IPO11: variants seen among roughly 807,000 people sequenced by gnomAD.
IPO11 encodes the protein importin-11.
In IPO11, 66 loss-of-function variants were observed where a neutral mutation model predicts 143.2. That is an observed-to-expected ratio of 0.46 (90% CI 0.38 to 0.57). IPO11 has a LOEUF of 0.57. IPO11 is among the 20% of genes least tolerant of loss of function. IPO11 has a pLI of 0.00. For synonymous variants in IPO11, 385 were observed against 377.8 expected (o/e 1.02, Z -0.22); for missense variants, 1,026 against 1,141.0 (o/e 0.90, Z 1.45).
At chr5:62,544,799 C>T (rs911100984) in intron 24 of IPO11, among the ~76,000 whole-genome samples, 4 of 152,122 alleles carry the variant, frequency 2.6e-5, no homozygotes, top group African/African-American at 9.7e-5. Context: ...CATTTTTATA[C>T]ACCAATAACA....
In IPO11 at chr5:62,432,221, C is replaced by G. The variant is rs550045590; in HGVS notation, c.-6-5053C>G. On this transcript the variant is annotated intron_variant, in intron 1 of 29. Coordinates refer to ENST00000325324, the MANE Select transcript of IPO11 (RefSeq NM_016338.5). ...TATTTATCCTGGTGTGGTACCTCTG[C>G]TCTTTGAGCAAGCTGTTGTGGACGT... Among the ~76,000 whole-genome samples, 3 of 152,182 alleles carry G rather than the reference C, an allele frequency of 2.0e-5. No homozygotes were observed. The South Asian group carries it at 6.2e-4, about 31-fold the overall frequency.
chr5:62,572,303 A>G (rs32152), intron 27 of IPO11, among the ~76,000 whole-genome samples: 16,802 of 152,168 alleles, frequency 0.11, 1,114 homozygotes, highest in African/African-American at 0.18. Context: ...CATAAAAGGG[A>G]CAACATATCA....
intron 22 of IPO11, among the ~76,000 whole-genome samples, chr5:62,533,197 A>G (rs142442533): frequency 7.1e-4 from 103 of 144,602 alleles, no homozygotes; most frequent in African/African-American, 2.6e-3. Flanking sequence ...TTGCATGTAT[A>G]TTCTTTCTTT....
chr5:62,424,147 T>G (rs1272057949), intron 1 of IPO11, among the ~76,000 whole-genome samples: 6 of 151,180 alleles, frequency 4.0e-5, no homozygotes, highest in African/African-American at 4.9e-5. Flanking sequence ...GCTTTTTTTT[T>G]TTTGTTTTTT....
chr5:62,550,342 A>T, intron 24 of IPO11, 25 bp from the exon 25 acceptor site: 1 of 1,529,620 alleles, frequency 6.5e-7, no homozygotes. Context: ...CAGTATTATC[A>T]CCAATCTTTC....
At chr5:62,527,667 T>G (rs1742411886) in intron 21 of IPO11, among the ~76,000 whole-genome samples, 1 of 152,146 alleles carries the variant, frequency 6.6e-6, no homozygotes, top group African/African-American at 2.4e-5. Flanking sequence ...GGGATTACAT[T>G]AAAAAGTAAT....
intron 8 of IPO11, 112 bp from the exon 9 acceptor site, chr5:62,476,571 A>T: frequency 1.7e-6 from 2 of 1,162,354 alleles, no homozygotes; most frequent in Non-Finnish European, 2.4e-6. Flanking sequence ...TAATGAATTC[A>T]TAATGCAAAA....
At chr5:62,507,248 G>A (rs572663504) in intron 19 of IPO11, among the ~76,000 whole-genome samples, 1 of 152,300 alleles carries the variant, frequency 6.6e-6, no homozygotes, top group East Asian at 1.9e-4. Flanking sequence ...AGTACTTTAA[G>A]CATAATGCGA....
chr5:62,449,258 T>A (rs573657170), intron 3 of IPO11, among the ~76,000 whole-genome samples: 1 of 152,270 alleles, frequency 6.6e-6, no homozygotes, highest in Non-Finnish European at 1.5e-5. Context: ...TACAGTCTTA[T>A]ACAGTAGTGT....
chr5:62,501,814 AT>A (rs1741357234), intron 16 of IPO11, among the ~76,000 whole-genome samples: 1 of 152,212 alleles, frequency 6.6e-6, no homozygotes, highest in African/African-American at 2.4e-5. Context: ...AAATAATTGA[AT>A]TATGAAATCA....
intron 29 of IPO11, among the ~76,000 whole-genome samples, chr5:62,619,681 A>G (rs1019503138): frequency 7.9e-5 from 12 of 151,926 alleles, no homozygotes; most frequent in Admixed American, 5.2e-4. Flanking sequence ...GTGAAACCCT[A>G]TCTCTACTAA....
At chr5:62,426,222 A>G (rs746157615) in intron 1 of IPO11, among the ~76,000 whole-genome samples, 1 of 152,208 alleles carries the variant, frequency 6.6e-6, no homozygotes, top group Non-Finnish European at 1.5e-5. Context: ...CCCAGTTTCT[A>G]CTAAAAACAC....
intron 1 of IPO11, among the ~76,000 whole-genome samples, chr5:62,425,059 T>C (rs1270129622): frequency 6.6e-6 from 1 of 152,174 alleles, no homozygotes. Context: ...TTTGTTTTTG[T>C]TTTGAATCTC....
intron 24 of IPO11, among the ~76,000 whole-genome samples, chr5:62,545,074 C>T (rs1031204799): frequency 1.3e-5 from 2 of 152,138 alleles, no homozygotes; most frequent in African/African-American, 4.8e-5. Context: ...CAATGACTTT[C>T]TTCACAGAAT....
At chr5:62,416,875 G>A (rs753366392) in intron 1 of IPO11, among the ~76,000 whole-genome samples, 1 of 151,772 alleles carries the variant, frequency 6.6e-6, no homozygotes, top group Non-Finnish European at 1.5e-5. Flanking sequence ...CAGGTGAGGC[G>A]CAGGCCACCA....
chr5:62,567,366 T>C (rs1743979177), intron 27 of IPO11, among the ~76,000 whole-genome samples: 1 of 151,840 alleles, frequency 6.6e-6, no homozygotes, highest in African/African-American at 2.4e-5. Context: ...AATTAGATTA[T>C]TATATATATG....
intron 15 of IPO11, among the ~76,000 whole-genome samples, chr5:62,491,655 A>C (rs1038364065): frequency 2.6e-5 from 4 of 151,788 alleles, no homozygotes; most frequent in Non-Finnish European, 5.9e-5. Flanking sequence ...GATATGTAAA[A>C]ATATTAATAA....
intron 27 of IPO11, among the ~76,000 whole-genome samples, chr5:62,587,053 T>C (rs948803056): frequency 4.6e-5 from 7 of 151,828 alleles, no homozygotes; most frequent in African/African-American, 1.5e-4. Flanking sequence ...TATGTCTTCA[T>C]TGGGCATTGT....
chr5:62,602,783 A>G (rs2112450816), intron 29 of IPO11, among the ~76,000 whole-genome samples: 1 of 152,318 alleles, frequency 6.6e-6, no homozygotes, highest in East Asian at 1.9e-4. Flanking sequence ...TCCCTAGCAC[A>G]TAGTGTAGAG....
Sources: gnomAD v4.1 joint callset for allele counts (sites outside exome capture counted in the v4.1 genomes callset) on GRCh38, gnomAD v4.1.1 for gene constraint, MANE v1.5 for transcripts, NCBI Gene and HGNC (gene_info 2026-07-23, HGNC 2026-07-21) for gene names.